The following PPP2R2C variants were observed in gnomAD, a reference collection of about 807,000 sequenced individuals.
PPP2R2C encodes protein phosphatase 2 regulatory subunit Bgamma.
A neutral mutation model predicts 45.3 loss-of-function variants in PPP2R2C; 10 were observed. The observed-to-expected ratio is 0.22, with a 90% CI of 0.14 to 0.37. PPP2R2C has a LOEUF of 0.37. Ranked by LOEUF, PPP2R2C falls within the 10% of genes least tolerant of loss-of-function variation. The pLI is 1.00. For missense variants in PPP2R2C, 308 were observed against 619.7 expected (o/e 0.50, Z 5.34); for synonymous variants, 257 against 245.4 (o/e 1.05, Z -0.44).
At position 6,370,490 on chromosome 4, in the gene PPP2R2C, T is replaced by C. The variant is rs769969303; in HGVS notation, c.625+2033A>G. Among the ~76,000 whole-genome samples, 4 of 151,844 alleles carry C rather than the reference T, an allele frequency of 2.6e-5. 1 individual carries two copies. Among genetic ancestry groups the C allele is most frequent in the Non-Finnish European group, 5.9e-5 (4 of 67,936 alleles). On this transcript the variant is annotated intron_variant, in intron 5 of 8. Coordinates refer to ENST00000382599, the MANE Select transcript of PPP2R2C (RefSeq NM_020416.4). ...GACTCCCTCCAGCACCAGGGAGAGG[T>C]ACAGGAGTCCGGCCTGGCCAATCAC...
Position 6,331,875 on chromosome 4 carries a change from C to A in PPP2R2C, c.960+1687G>T, listed in dbSNP as rs571812007. On this transcript the variant is annotated intron_variant, in intron 7 of 8. Coordinates refer to ENST00000382599, the MANE Select transcript of PPP2R2C (RefSeq NM_020416.4). The surrounding 1 kb of genome is among the most constrained non-coding windows in gnomAD (Gnocchi z 5.9). ...CGATTTGTTAAGCACCGCACACCAG[C>A]CGAACGCAGTCCTGCTACACACAAT... 6.6e-6 allele frequency among the ~76,000 whole-genome samples: 1 copy of A among 152,326 alleles called. No homozygotes were observed. Among genetic ancestry groups the A allele is most frequent in the East Asian group, 1.9e-4 (1 of 5,180 alleles).
At chr4:6,382,641 T>A in intron 1 of PPP2R2C, 1 of 109,746 alleles carries the variant, frequency 9.1e-6, no homozygotes, top group Non-Finnish European at 1.8e-5. Context: ...TCTCTCTCTC[T>A]CTCTCTCTCT....
At chr4:6,537,981 T>G (rs1724686713) in intron 1 of PPP2R2C, among the ~76,000 whole-genome samples, 1 of 152,118 alleles carries the variant, frequency 6.6e-6, no homozygotes, top group South Asian at 2.1e-4. Flanking sequence ...GGGCTGGGGT[T>G]ATGGAGAGTT....
At chr4:6,360,718 A>G (rs1056036643) in intron 5 of PPP2R2C, among the ~76,000 whole-genome samples, 1 of 152,262 alleles carries the variant, frequency 6.6e-6, no homozygotes, top group Non-Finnish European at 1.5e-5. Flanking sequence ...GCAAGCACTC[A>G]GACCAAGGCA....
intron 2 of PPP2R2C, among the ~76,000 whole-genome samples, chr4:6,525,390 G>A (rs1252718498): frequency 2.0e-5 from 3 of 151,662 alleles, no homozygotes; most frequent in Non-Finnish European, 4.4e-5. Context: ...GGGCGACAGA[G>A]TGCGACCCCA....
intron 5 of PPP2R2C, among the ~76,000 whole-genome samples, chr4:6,361,775 C>G (rs1271760670): frequency 2.0e-5 from 3 of 152,308 alleles, no homozygotes; most frequent in Admixed American, 2.0e-4. Context: ...GATGTGCACC[C>G]AGGCAGCTGT....
chr4:6,472,081 A>G, intron 1 of PPP2R2C, 79 bp downstream of exon 1: 1 of 1,586,030 alleles, frequency 6.3e-7, no homozygotes, highest in Non-Finnish European at 8.6e-7. Context: ...GCGCGGTCCA[A>G]ACCTTCGGAG....
intron 2 of PPP2R2C, among the ~76,000 whole-genome samples, chr4:6,517,007 T>G (rs1028132788): frequency 9.2e-5 from 14 of 152,294 alleles, no homozygotes; most frequent in African/African-American, 3.1e-4. Flanking sequence ...AGGCAGAGTT[T>G]TCTTTAAAAA....
chr4:6,433,311 T>C (rs957225810), intron 1 of PPP2R2C, among the ~76,000 whole-genome samples: 2 of 152,230 alleles, frequency 1.3e-5, no homozygotes, highest in African/African-American at 4.8e-5. Flanking sequence ...TGGACATATC[T>C]GGATATTGGC....
upstream of PPP2R2C, among the ~76,000 whole-genome samples, chr4:6,473,093 T>A (rs1280996033): frequency 2.0e-5 from 3 of 151,848 alleles, no homozygotes; most frequent in African/African-American, 7.3e-5. Flanking sequence ...ATTAAGTACA[T>A]GTGAAGAAGC....
At chr4:6,377,533 C>T (rs1715424877) in intron 3 of PPP2R2C, among the ~76,000 whole-genome samples, 1 of 152,156 alleles carries the variant, frequency 6.6e-6, no homozygotes, top group South Asian at 2.1e-4. Flanking sequence ...GTGTTGGACG[C>T]CTGTAATTCC....
intron 1 of PPP2R2C, among the ~76,000 whole-genome samples, chr4:6,417,995 C>T (rs549535106): frequency 4.6e-5 from 7 of 152,022 alleles, no homozygotes; most frequent in African/African-American, 1.7e-4. Flanking sequence ...CAGGCAGGGG[C>T]TCTGGAAGGG....
Position 6,414,738 on chromosome 4 carries a change from CAG to C in PPP2R2C, c.71-33646_71-33645del, listed in dbSNP as rs144215637. Among the ~76,000 whole-genome samples the C allele has an allele frequency of 8.8e-3, 1,339 of 152,140 alleles. 13 individuals are homozygous for C. The highest frequency in any genetic ancestry group is 0.031 in the African/African-American group (1,270 of 41,498). ...GCCCTGGGCTGGATGGAGGGAGGAA[CAG>C]GGGGTGGGAGAGCCCAATGGGAATC... On this transcript the variant is annotated intron_variant, in intron 1 of 8. Transcript: ENST00000382599.
chr4:6,489,149 G>A (rs61247517), intron 2 of PPP2R2C, among the ~76,000 whole-genome samples: 2,400 of 152,258 alleles, frequency 0.016, 62 homozygotes, highest in African/African-American at 0.054. Context: ...TCCCTGCAAC[G>A]TGGCCAGGAA....
intron 5 of PPP2R2C, among the ~76,000 whole-genome samples, chr4:6,369,125 C>A (rs111526337): frequency 0.013 from 1,917 of 152,328 alleles, 17 homozygotes; most frequent in Non-Finnish European, 0.018. Flanking sequence ...GAGGCTGCAG[C>A]GTCCTTGTTC....
chr4:6,559,407 A>G (rs996010988), intron 1 of PPP2R2C, among the ~76,000 whole-genome samples: 29 of 78,140 alleles, frequency 3.7e-4, no homozygotes, highest in Admixed American at 2.6e-3. Context: ...ACACACACAC[A>G]CACACACACA....
chr4:6,412,953 T>G (rs1376888225), intron 1 of PPP2R2C, among the ~76,000 whole-genome samples: 1 of 152,240 alleles, frequency 6.6e-6, no homozygotes, highest in Non-Finnish European at 1.5e-5. Context: ...CACCTTCATC[T>G]TGGACTTCCC....
intron 1 of PPP2R2C, among the ~76,000 whole-genome samples, chr4:6,386,287 G>A (rs1322690030): frequency 6.6e-6 from 1 of 152,242 alleles, no homozygotes; most frequent in Non-Finnish European, 1.5e-5. Flanking sequence ...CCAGAACTCA[G>A]ACGGAAAGCC....
chr4:6,479,027 G>A (rs1263906412), intron 2 of PPP2R2C, among the ~76,000 whole-genome samples: 3 of 152,280 alleles, frequency 2.0e-5, no homozygotes, highest in East Asian at 3.9e-4. Context: ...TCAGCGGAGC[G>A]TGCAAGTACA....
Sources: allele counts gnomAD v4.1 joint callset (sites outside exome capture counted in the v4.1 genomes callset), GRCh38; gene constraint gnomAD v4.1.1; non-coding constraint Gnocchi (gnomAD v3.1); transcripts MANE v1.5; gene names NCBI Gene and HGNC (gene_info 2026-07-23, HGNC 2026-07-21).